FSTL5: variants seen among roughly 807,000 people sequenced by gnomAD.
The protein encoded by FSTL5 is follistatin-related protein 5.
A neutral mutation model predicts 89.1 loss-of-function variants in FSTL5; 62 were observed. The observed-to-expected ratio is 0.70, with a 90% confidence interval of 0.57 to 0.86. The LOEUF is 0.86. FSTL5 is among the 40% of genes least tolerant of loss of function. FSTL5 has a pLI of 0.00. For missense variants in FSTL5, 1,057 were observed against 1,001.6 expected (o/e 1.06, Z -0.75); for synonymous variants, 383 against 346.2 (o/e 1.11, Z -1.18).
chr4:161,712,829 AC>A (rs1450854358), intron 6 of FSTL5, among the ~76,000 whole-genome samples: 1 of 150,414 alleles, frequency 6.6e-6, no homozygotes, highest in African/African-American at 2.5e-5. Flanking sequence ...AAAGGGCTTG[AC>A]CCCTCACCCC....
rs1482213725 is a variant in FSTL5, at chr4:161,583,184, G to GAGAA, written c.1015+4267_1015+4270dup. ...CCACTGCACTCCAGCCTGGGCAACA[G>GAGAA]AGAAAGACTCCGTCTCAAAATAAAT... On this transcript the variant is annotated intron_variant, in intron 8 of 15. Coordinates refer to ENST00000306100, the MANE Select transcript of FSTL5 (RefSeq NM_020116.5). Among the ~76,000 whole-genome samples the GAGAA allele has an allele frequency of 1.2e-4, 19 of 152,240 alleles. No individual in the cohort carries two copies. In the East Asian group the frequency reaches 3.7e-3, roughly 29 times the overall value.
chr4:161,390,523 A>T (rs1578936837), intron 15 of FSTL5, among the ~76,000 whole-genome samples: 1 of 152,114 alleles, frequency 6.6e-6, no homozygotes, highest in Non-Finnish European at 1.5e-5. Context: ...TGGTTTCCCA[A>T]GTCCTTTACT....
chr4:161,889,409 G>A (rs1030216684), intron 4 of FSTL5, among the ~76,000 whole-genome samples: 3 of 152,092 alleles, frequency 2.0e-5, no homozygotes, highest in Admixed American at 6.6e-5. Context: ...TCTGGAGGCC[G>A]TGGTTGGGCA....
intron 6 of FSTL5, among the ~76,000 whole-genome samples, chr4:161,673,587 A>G (rs998601550): frequency 9.2e-5 from 14 of 152,082 alleles, no homozygotes; most frequent in African/African-American, 3.4e-4. Context: ...AAGAATGAGT[A>G]CAACTCACAT....
At chr4:162,055,821 CA>C (rs1391495083) in intron 2 of FSTL5, among the ~76,000 whole-genome samples, 1 of 151,746 alleles carries the variant, frequency 6.6e-6, no homozygotes, top group Non-Finnish European at 1.5e-5. Flanking sequence ...ATGCAAGTTA[CA>C]AATGTGGCAC....
At chr4:161,798,094 C>T (rs1729688044) in intron 4 of FSTL5, among the ~76,000 whole-genome samples, 1 of 151,598 alleles carries the variant, frequency 6.6e-6, no homozygotes, top group Non-Finnish European at 1.5e-5. Context: ...TGGAATAGCT[C>T]TATTCTTATT....
At chr4:161,715,373 C>T (rs1738939538) in intron 6 of FSTL5, among the ~76,000 whole-genome samples, 2 of 152,140 alleles carry the variant, frequency 1.3e-5, no homozygotes, top group African/African-American at 4.8e-5. Context: ...GTGGATCGTT[C>T]TGTCTTTAAT....
rs1260146367 is a variant in FSTL5 at position 161,961,505 on chromosome 4, C to T, written c.161-40853G>A. Among the ~76,000 whole-genome samples the T allele has an allele frequency of 1.6e-4, 23 of 140,224 alleles. No individual in the cohort carries two copies. The Admixed American group carries it at 1.8e-3, about 11-fold the overall frequency. 92.0% of individuals were successfully genotyped at this position (140,224 alleles called of 152,430 possible). On this transcript the variant is annotated intron_variant, in intron 3 of 15. Transcript: ENST00000306100. ...ATTAGTAATCAAATAATGTTATATA[C>T]ATCACATTACTCTAGAAAAATATAT...
At position 161,586,577 on chromosome 4, in the gene FSTL5, A is replaced by G. The variant is rs143702305; in HGVS notation, c.1015+878T>C. 2.3e-3 allele frequency among the ~76,000 whole-genome samples: 345 copies of G among 152,306 alleles called. 3 individuals carry two copies. The highest frequency in any genetic ancestry group is 8.0e-3 in the African/African-American group (333 of 41,566). On this transcript the variant is annotated intron_variant, in intron 8 of 15. Coordinates refer to ENST00000306100, the MANE Select transcript of FSTL5 (RefSeq NM_020116.5). ...TAAGACTATATTTTAAGCTACCACT[A>G]TCTCTTACTTGGACACTAAAATAGT...
At position 161,504,458 on chromosome 4, in the gene FSTL5, G is replaced by A. The variant is rs573084227; in HGVS notation, c.1340-4324C>T. On this transcript the variant is annotated intron_variant, in intron 11 of 15. Coordinates refer to ENST00000306100, the MANE Select transcript of FSTL5 (RefSeq NM_020116.5). ...GACATGGTAAAGATCGGGAACATGT[G>A]CAGATTGTTTTTCGTTTTTGTTTTT... Among the ~76,000 whole-genome samples, 3 of 149,992 alleles carry A rather than the reference G, an allele frequency of 2.0e-5. No individual in the cohort carries two copies. In the East Asian group the frequency reaches 6.0e-4, roughly 30 times the overall value.
At chr4:161,424,623 T>A (rs1410166413) in intron 15 of FSTL5, among the ~76,000 whole-genome samples, 1 of 152,140 alleles carries the variant, frequency 6.6e-6, no homozygotes, top group African/African-American at 2.4e-5. Context: ...TTCTCTCTTA[T>A]TTTTCTCCAA....
At chr4:161,541,023 C>T (rs1731802830) in intron 9 of FSTL5, among the ~76,000 whole-genome samples, 1 of 152,034 alleles carries the variant, frequency 6.6e-6, no homozygotes, top group Non-Finnish European at 1.5e-5. Flanking sequence ...ATTTTACTCT[C>T]TCTAATTCAC....
At chr4:161,988,065 T>TAAA (rs5863506) in intron 3 of FSTL5, among the ~76,000 whole-genome samples, 1 of 146,774 alleles carries the variant, frequency 6.8e-6, no homozygotes, top group Non-Finnish European at 1.5e-5. Flanking sequence ...AAAAAACCAC[T>TAAA]AAAAAAAAAA....
At position 161,929,685 on chromosome 4, in the gene FSTL5, G is replaced by GTGTGTGTGTGTATA. The variant is rs1553983475; in HGVS notation, c.161-9034_161-9033insTATACACACACACA. On this transcript the variant is annotated intron_variant, in intron 3 of 15. Transcript: ENST00000306100. ...CGTGTGTGTGTGTGTGTGTGTGTGTGTGTGTGTGTGTGTGTGTACATAGTT... is the reference window on the plus strand; with the variant it reads ...CGTGTGTGTGTGTGTGTGTGTGTGTGTGTGTGTGTGTATATGTGTGTGTGTGTGTGTACATAGTT... 4.1e-3 allele frequency among the ~76,000 whole-genome samples: 618 copies of GTGTGTGTGTGTATA among 149,190 alleles called. 3 individuals carry two copies. Among genetic ancestry groups the GTGTGTGTGTGTATA allele is most frequent in the African/African-American group, 0.014 (564 of 40,280 alleles).
At chr4:162,146,841 G>A (rs1375650308) in intron 1 of FSTL5, among the ~76,000 whole-genome samples, 1 of 151,568 alleles carries the variant, frequency 6.6e-6, no homozygotes. Context: ...GGAGTGCAGT[G>A]TGGGATCTTG....
intron 4 of FSTL5, among the ~76,000 whole-genome samples, chr4:161,891,409 A>C (rs1245559515): frequency 2.0e-5 from 3 of 152,170 alleles, no homozygotes; most frequent in Non-Finnish European, 2.9e-5. Context: ...TCAGAAAGAC[A>C]ACTTAGTTGG....
intron 3 of FSTL5, among the ~76,000 whole-genome samples, chr4:162,027,629 A>C (rs1291371052): frequency 6.6e-6 from 1 of 152,192 alleles, no homozygotes; most frequent in African/African-American, 2.4e-5. Context: ...CAGCTAATGA[A>C]ATCAGAAAAT....
intron 4 of FSTL5, among the ~76,000 whole-genome samples, chr4:161,815,965 C>T (rs1388247374): frequency 6.6e-6 from 1 of 152,138 alleles, no homozygotes; most frequent in African/African-American, 2.4e-5. Flanking sequence ...AATACAGTGT[C>T]TTGAAAGCAG....
At chr4:161,870,967 T>C (rs1732244017) in intron 4 of FSTL5, among the ~76,000 whole-genome samples, 1 of 152,130 alleles carries the variant, frequency 6.6e-6, no homozygotes, top group Admixed American at 6.5e-5. Flanking sequence ...AAATCAGTAA[T>C]TTTATTTATA....
Sources: gnomAD v4.1 joint callset for allele counts (sites outside exome capture counted in the v4.1 genomes callset) on GRCh38, gnomAD v4.1.1 for gene constraint, MANE v1.5 for transcripts, NCBI Gene and HGNC (gene_info 2026-07-23, HGNC 2026-07-21) for gene names.